Variants in ZNF710 observed in about 807,000 individuals in gnomAD.
The protein encoded by ZNF710 is zinc finger protein 710.
ZNF710 carries 13 observed loss-of-function variants against 50.6 expected under a neutral mutation model. The ratio of observed to expected loss-of-function variants is 0.26; its 90% CI spans 0.17 to 0.41. The LOEUF (loss-of-function observed/expected upper bound fraction) is 0.41, where lower values mean the gene tolerates loss of function less well. Among genes scored for constraint, ZNF710 ranks in the 10% least tolerant of loss-of-function variants. The pLI is 1.00. For missense variants in ZNF710, 721 were observed against 936.6 expected (o/e 0.77, Z 3.01); for synonymous variants, 383 against 397.0 (o/e 0.96, Z 0.42).
At chr15:90,014,416 C>T (rs957158151) in intron 1 of ZNF710, among the ~76,000 whole-genome samples, 3 of 151,170 alleles carry the variant, frequency 2.0e-5, no homozygotes, top group Admixed American at 1.3e-4. Flanking sequence ...ATGGTGTGTT[C>T]CTGTAATCCC....
In ZNF710 at chr15:90,055,443, T is replaced by C. The variant is rs1899782636; in HGVS notation, c.-28-11667T>C. ...ACAGCAGCACGTTGTGGACTTGTCA[T>C]GGAGGCAGGGACCAACCAGACAAGT... On this transcript the variant is annotated intron_variant, in intron 1 of 4. Coordinates refer to ENST00000268154, the MANE Select transcript of ZNF710 (RefSeq NM_198526.4). Among the ~76,000 whole-genome samples, 3 of 152,234 alleles carry C rather than the reference T, an allele frequency of 2.0e-5. 1 individual carries two copies. The South Asian group carries it at 6.2e-4, about 32-fold the overall frequency.
intron 1 of ZNF710, among the ~76,000 whole-genome samples, chr15:90,044,332 C>T (rs1176020027): frequency 6.6e-6 from 1 of 152,214 alleles, no homozygotes; most frequent in African/African-American, 2.4e-5. Context: ...CGGATGTGGT[C>T]CCACGGGCCT....
intron 1 of ZNF710, among the ~76,000 whole-genome samples, chr15:90,033,935 C>T (rs749812794): frequency 1.5e-4 from 23 of 152,194 alleles, no homozygotes; most frequent in Non-Finnish European, 3.1e-4. Flanking sequence ...GATGCGGTGG[C>T]TCATGCCTGT....
intron 1 of ZNF710, among the ~76,000 whole-genome samples, chr15:90,018,040 C>A (rs764484432): frequency 2.6e-5 from 4 of 152,288 alleles, no homozygotes; most frequent in Non-Finnish European, 4.4e-5. Context: ...TCTGCTCCAT[C>A]ATCTTCTTGT....
rs1309944004 is a variant in ZNF710, at chr15:90,010,934, T to G, written c.-29+9320T>G. Among the ~76,000 whole-genome samples, 13 of 143,884 alleles carry G rather than the reference T, an allele frequency of 9.0e-5. 1 individual carries two copies. The highest frequency in any genetic ancestry group is 4.5e-4 in the South Asian group (2 of 4,492). The allele number at this position is 143,884 out of a possible 152,430, so 94.4% of individuals were successfully genotyped here. On this transcript the variant is annotated intron_variant, in intron 1 of 4. Transcript: ENST00000268154. Reference sequence around the variant, plus strand: ...TTATTGTTGTTGGTTTTTTGTTTTTTTTTTTTTTTTTTTTGAGACGGAGTC... The same window carrying G: ...TTATTGTTGTTGGTTTTTTGTTTTTGTTTTTTTTTTTTTTGAGACGGAGTC...
At chr15:90,032,295 GC>G (rs1898972532) in intron 1 of ZNF710, among the ~76,000 whole-genome samples, 1 of 152,196 alleles carries the variant, frequency 6.6e-6, no homozygotes, top group Non-Finnish European at 1.5e-5. Context: ...ACTGTGTCCA[GC>G]CACTGTGAAT....
At chr15:90,031,519 AG>A (rs1284725165) in intron 1 of ZNF710, among the ~76,000 whole-genome samples, 1 of 152,248 alleles carries the variant, frequency 6.6e-6, no homozygotes, top group Non-Finnish European at 1.5e-5. Context: ...GAGGACACAC[AG>A]GAAGTTCTAA....
intron 1 of ZNF710, among the ~76,000 whole-genome samples, chr15:90,033,935 C>G (rs749812794): frequency 2.6e-5 from 4 of 152,194 alleles, no homozygotes; most frequent in African/African-American, 9.6e-5. Flanking sequence ...GATGCGGTGG[C>G]TCATGCCTGT....
At chr15:90,057,516 T>G (rs1230922805) in intron 1 of ZNF710, among the ~76,000 whole-genome samples, 1 of 151,788 alleles carries the variant, frequency 6.6e-6, no homozygotes, top group African/African-American at 2.4e-5. Context: ...GGTAACACGG[T>G]GAAACACCAT....
chr15:90,031,042 T>TC (rs1240417761), intron 1 of ZNF710, among the ~76,000 whole-genome samples: 5 of 121,792 alleles, frequency 4.1e-5, no homozygotes, highest in South Asian at 2.5e-4. Context: ...AAAAAAAAAA[T>TC]GCTTAATGGA....
At chr15:90,013,847 T>C (rs1898378720) in intron 1 of ZNF710, among the ~76,000 whole-genome samples, 1 of 152,166 alleles carries the variant, frequency 6.6e-6, no homozygotes, top group East Asian at 1.9e-4. Flanking sequence ...TATCTGGTCT[T>C]TCCACATTCA....
chr15:90,039,212 G>C (rs1899226090), intron 1 of ZNF710, among the ~76,000 whole-genome samples: 1 of 152,064 alleles, frequency 6.6e-6, no homozygotes, highest in East Asian at 1.9e-4. Flanking sequence ...CCAGGAGGTG[G>C]AGGTTGCAGT....
intron 1 of ZNF710, among the ~76,000 whole-genome samples, chr15:90,047,412 C>G (rs147385911): frequency 6.6e-4 from 101 of 152,262 alleles, no homozygotes; most frequent in African/African-American, 2.3e-3. Context: ...TGGGAAGTAG[C>G]AGAGGATGCA....
In ZNF710 at chr15:90,072,484, G is replaced by A. The variant is rs1900422013; in HGVS notation, c.1459-587G>A. Among the ~76,000 whole-genome samples the A allele has an allele frequency of 3.3e-5, 5 of 152,142 alleles. No individual in the cohort carries two copies. In the South Asian group the frequency reaches 6.2e-4, roughly 19 times the overall value. On this transcript the variant is annotated intron_variant, in intron 2 of 4. Coordinates refer to ENST00000268154, the MANE Select transcript of ZNF710 (RefSeq NM_198526.4). ...AGGCTCTGGGAGTTTGAGACCCTTC[G>A]AAATTCTACATAGACCTAAGTGCCA...
At chr15:90,054,382 C>A (rs535191601) in intron 1 of ZNF710, among the ~76,000 whole-genome samples, 3 of 152,028 alleles carry the variant, frequency 2.0e-5, no homozygotes, top group Non-Finnish European at 2.9e-5. Flanking sequence ...ATGAGGGGCT[C>A]CCAGGTGTGA....
intron 1 of ZNF710, among the ~76,000 whole-genome samples, chr15:90,036,488 C>T (rs1215394650): frequency 6.6e-6 from 1 of 152,136 alleles, no homozygotes; most frequent in East Asian, 1.9e-4. Context: ...CAGATGGTCT[C>T]TCCCCATTGG....
chr15:90,035,655 T>C (rs539871421), intron 1 of ZNF710, among the ~76,000 whole-genome samples: 5 of 152,334 alleles, frequency 3.3e-5, no homozygotes, highest in South Asian at 2.1e-4. Context: ...CACTTCCTAA[T>C]ACCTGGTGGC....
chr15:90,013,274 T>A (rs1490966966), intron 1 of ZNF710, among the ~76,000 whole-genome samples: 1 of 152,124 alleles, frequency 6.6e-6, no homozygotes, highest in East Asian at 1.9e-4. Context: ...GGCTAAGTTT[T>A]GTATTTGTAG....
rs144139243 is a variant in ZNF710, at chr15:90,067,285, G to C, written c.148G>C (p.Glu50Gln). The change falls in exon 2 of 5, where the codon GAG becomes CAG. Residue 50 changes from glutamate to glutamine, a missense_variant. This residue lies in a region of ZNF710 where 326 missense variants were observed against 347.1 expected (regional missense o/e 0.94). Coordinates refer to ENST00000268154, the MANE Select transcript of ZNF710 (RefSeq NM_198526.4). This position sits in a 1 kb window ranked among gnomAD's most constrained non-coding sequence, Gnocchi z 8.1. ...GGCCTTCTACCCGGACCTGGGGCCC[G>C]AGCTTTCAGGGGCAGCCATGGGAGA... ...AEAFYPDLGPELSGAAMGEPE... is the reference protein window; with the variant it reads ...AEAFYPDLGPQLSGAAMGEPE... 1.1e-3 allele frequency: 1,716 copies of C among 1,611,722 alleles called. 22 individuals carry two copies. In the South Asian group the frequency reaches 0.013, roughly 12 times the overall value.
Sources: gnomAD v4.1 joint callset for allele counts (sites outside exome capture counted in the v4.1 genomes callset) on GRCh38, gnomAD v4.1.1 for gene constraint, gnomAD v4.1.1 regional missense constraint, Gnocchi (gnomAD v3.1) non-coding constraint, MANE v1.5 for transcripts, NCBI Gene and HGNC (gene_info 2026-07-23, HGNC 2026-07-21) for gene names.